Variants in BAIAP2 observed in about 807,000 individuals in gnomAD.
The protein encoded by BAIAP2 is BAR/IMD domain-containing adapter protein 2.
In BAIAP2, 18 loss-of-function variants were observed where a neutral mutation model predicts 63.0. The observed-to-expected ratio is 0.29, with a 90% confidence interval of 0.20 to 0.42. The LOEUF (loss-of-function observed/expected upper bound fraction) is 0.42. BAIAP2 is among the 10% of genes least tolerant of loss of function. BAIAP2 has a pLI of 1.00. For missense variants in BAIAP2, 610 were observed against 734.3 expected, an observed-to-expected ratio of 0.83 and a Z score of 1.96; for synonymous variants, 386 against 307.6, an observed-to-expected ratio of 1.25 and a Z score of -2.67.
At chr17:81,037,038 T>C (rs1444450744) in intron 1 of BAIAP2, 1 of 1,297,754 alleles carries the variant, frequency 7.7e-7, no homozygotes, top group African/African-American at 1.5e-5. Flanking sequence ...AACCGGGCAG[T>C]AGGCCTTCAC....
chr17:81,064,014 C>G (rs543398199), intron 3 of BAIAP2, among the ~76,000 whole-genome samples: 1 of 152,174 alleles, frequency 6.6e-6, no homozygotes, highest in Non-Finnish European at 1.5e-5. Flanking sequence ...TCCTGACACC[C>G]GGCCGAGCAG....
intron 3 of BAIAP2, among the ~76,000 whole-genome samples, chr17:81,084,083 C>A (rs986894990): frequency 6.6e-6 from 1 of 152,174 alleles, no homozygotes; most frequent in African/African-American, 2.4e-5. Context: ...TGTGCCGCCA[C>A]GATTTTGATT....
chr17:81,065,018 C>T (rs952493951), intron 3 of BAIAP2, among the ~76,000 whole-genome samples: 14 of 152,236 alleles, frequency 9.2e-5, no homozygotes, highest in Non-Finnish European at 1.5e-5. Context: ...TTCTCCCTTC[C>T]AGCTCCGGCA....
In BAIAP2 at chr17:81,057,890, A is replaced by G; in HGVS notation, c.140A>G (p.Tyr47Cys). ...NYEKALAGVT[Y>C]AAKGYFDALV... ...TTTTCTTCTCTCTCAGGTGTGACGT[A>G]TGCAGCCAAAGGCTACTTTGACGCC... is the stretch of plus-strand genomic sequence containing the variant. The change falls in exon 3 of 14, where the codon TAT (tyrosine) becomes TGT (cysteine). Residue 47 changes from tyrosine to cysteine, a missense_variant. This residue lies in a region of BAIAP2 where 389 missense variants were observed against 455.6 expected (regional missense o/e 0.85). Transcript: ENST00000428708. The G allele has an allele frequency of 6.3e-7, 1 of 1,596,710 alleles. No homozygotes were observed. The highest frequency in any genetic ancestry group is 8.5e-7 in the Non-Finnish European group (1 of 1,170,398).
chr17:81,079,358 T>G (rs553401726), intron 3 of BAIAP2, among the ~76,000 whole-genome samples: 38 of 152,288 alleles, frequency 2.5e-4, no homozygotes, highest in Non-Finnish European at 3.8e-4. Context: ...GTAGAGCTGG[T>G]GGGGTGAGGC....
At chr17:81,050,776 C>T (rs1260693191) in intron 1 of BAIAP2, among the ~76,000 whole-genome samples, 9 of 151,860 alleles carry the variant, frequency 5.9e-5, no homozygotes, top group Non-Finnish European at 1.3e-4. Flanking sequence ...TGTGTGTATG[C>T]ACACATGGGC....
At chr17:81,078,822 C>T (rs1568126824) in intron 3 of BAIAP2, among the ~76,000 whole-genome samples, 1 of 152,112 alleles carries the variant, frequency 6.6e-6, no homozygotes, top group Non-Finnish European at 1.5e-5. Context: ...GATGCAGCCT[C>T]TGGAAGCTCT....
At chr17:81,096,766 TC>T (rs977534837) in intron 6 of BAIAP2, among the ~76,000 whole-genome samples, 23 of 152,318 alleles carry the variant, frequency 1.5e-4, no homozygotes, top group Admixed American at 3.9e-4. Flanking sequence ...CATCATGCCC[TC>T]CCCAGGCCCC....
rs868350373 is a variant in BAIAP2, at chr17:81,091,087, G to C, written c.489+4507G>C. 5.3e-3 allele frequency among the ~76,000 whole-genome samples: 465 copies of C among 87,458 alleles called. 9 individuals carry two copies. The South Asian group carries it at 0.064, about 12-fold the overall frequency. The allele number at this position is 87,458 out of a possible 152,430, so 57.4% of individuals were successfully genotyped here. A position where few individuals can be genotyped will look rare whatever the true frequency, so the allele number is the denominator to read the frequency against. ...GGACCCGCCCCCACTTGTGTGCCCC[G>C]ACTTGTGTGGTGCAGGAGGCCCTGC... On this transcript the variant is annotated intron_variant, in intron 6 of 13. Coordinates refer to ENST00000428708, the MANE Select transcript of BAIAP2 (RefSeq NM_001144888.2).
At chr17:81,106,036 C>T (rs757660681) in intron 10 of BAIAP2, 42 bp from the exon 11 acceptor site, 7 of 1,540,054 alleles carry the variant, frequency 4.5e-6, no homozygotes, top group Admixed American at 3.9e-5. Flanking sequence ...GATGGGGAGC[C>T]TCTGGGCTGA....
chr17:81,039,710 G>T (rs2046823229), intron 1 of BAIAP2, among the ~76,000 whole-genome samples: 1 of 152,072 alleles, frequency 6.6e-6, no homozygotes, highest in African/African-American at 2.4e-5. Flanking sequence ...TGTTCCTGTT[G>T]CTGCCTTGTC....
intron 13 of BAIAP2, among the ~76,000 whole-genome samples, chr17:81,112,376 A>G (rs2060022366): frequency 6.6e-6 from 1 of 152,244 alleles, no homozygotes; most frequent in African/African-American, 2.4e-5. Flanking sequence ...CCGGCCACGC[A>G]GTCTGCCTGG....
At chr17:81,057,425 A>G (rs1247096279) in intron 2 of BAIAP2, 1 of 155,798 alleles carries the variant, frequency 6.4e-6, no homozygotes, top group Non-Finnish European at 1.4e-5. Flanking sequence ...CTGGTCTGAG[A>G]CTGTGAAGCA....
chr17:81,091,576 T>G (rs901073569), intron 6 of BAIAP2, among the ~76,000 whole-genome samples: 2 of 152,162 alleles, frequency 1.3e-5, no homozygotes, highest in African/African-American at 4.8e-5. Flanking sequence ...ATAGCAGTTG[T>G]CCCCAATCCT....
At chr17:81,080,536 C>A (rs954545851) in intron 3 of BAIAP2, among the ~76,000 whole-genome samples, 7 of 152,178 alleles carry the variant, frequency 4.6e-5, no homozygotes, top group South Asian at 4.1e-4. Context: ...TGACCGTCAC[C>A]TGGCCAGAAC....
intron 1 of BAIAP2, among the ~76,000 whole-genome samples, chr17:81,050,494 C>G (rs1196823396): frequency 6.6e-6 from 1 of 152,194 alleles, no homozygotes; most frequent in African/African-American, 2.4e-5. Flanking sequence ...CTGGGTGGCT[C>G]CTGGCCTGTT....
rs1598726101 is a variant in BAIAP2 at position 81,089,104 on chromosome 17, CTGTG to C, written c.489+2529_489+2532del. On this transcript the variant is annotated intron_variant, in intron 6 of 13. Transcript: ENST00000428708. ...CGGGTGGTGGGATTTACTCCCGAGG[CTGTG>C]TGTGCACAGCTAGCTCCTCAAGCCC... 3.3e-5 allele frequency among the ~76,000 whole-genome samples: 5 copies of C among 152,396 alleles called. No homozygotes were observed. In the East Asian group the frequency reaches 9.6e-4, roughly 29 times the overall value.
chr17:81,075,742 G>C (rs1328752626), intron 3 of BAIAP2, among the ~76,000 whole-genome samples: 4 of 152,144 alleles, frequency 2.6e-5, no homozygotes, highest in Non-Finnish European at 5.9e-5. Flanking sequence ...GGGCCACTTA[G>C]AACACTATGG....
chr17:81,101,611 ACT>A (rs1253855896), intron 7 of BAIAP2, among the ~76,000 whole-genome samples: 5 of 150,472 alleles, frequency 3.3e-5, no homozygotes, highest in African/African-American at 4.9e-5. Context: ...CACCCACCAC[ACT>A]CTCATGTACG....
Sources: allele counts gnomAD v4.1 joint callset (sites outside exome capture counted in the v4.1 genomes callset), GRCh38; gene constraint gnomAD v4.1.1; regional missense constraint gnomAD v4.1.1; transcripts MANE v1.5; gene names NCBI Gene and HGNC (gene_info 2026-07-23, HGNC 2026-07-21).